ACHE: variants seen among roughly 807,000 people sequenced by gnomAD.
ACHE encodes the protein acetylcholinesterase (Yt blood group), also known as acetylcholinesterase.
Under a neutral mutation model 53.9 loss-of-function variants are expected in ACHE, and 19 were observed. The ratio of observed to expected loss-of-function variants is 0.35; its 90% CI spans 0.25 to 0.52. The LOEUF (loss-of-function observed/expected upper bound fraction) is 0.52. Among genes scored for constraint, ACHE ranks in the 20% least tolerant of loss-of-function variants. ACHE has a pLI of 0.95. For synonymous variants in ACHE, 392 were observed against 378.1 expected, an observed-to-expected ratio of 1.04 and a Z score of -0.43; for missense variants, 605 against 849.4, an observed-to-expected ratio of 0.71 and a Z score of 3.58.
Position 100,892,348 on chromosome 7 carries a change from G to A in ACHE, c.1539C>T (p.Asn513=). ...GCACTGCTGACCCTGTGCGGGCAAA[G>A]TTGGCCCAGTATCGCATCAGTCGCT... ...FAQRLMRYWA[N]FARTGDPNEP... is the part of the protein sequence containing the mutation. The change falls in exon 3 of 5, where the codon AAC becomes AAT. Residue 513 remains asparagine (N), a synonymous_variant. Coordinates refer to ENST00000241069, the MANE Select transcript of ACHE (RefSeq NM_000665.5). The surrounding 1 kb of genome is among the most constrained non-coding windows in gnomAD (Gnocchi z 5.2). 1 of 1,514,262 alleles carries A rather than the reference G, an allele frequency of 6.6e-7. No homozygotes were observed. The highest frequency in any genetic ancestry group is 8.9e-7 in the Non-Finnish European group (1 of 1,129,036). The allele number at this position is 1,514,262 out of a possible 1,614,324, so 93.8% of individuals were successfully genotyped here.
chr7:100,896,640 C>T, upstream of ACHE: 1 of 286,146 alleles, frequency 3.5e-6, no homozygotes, highest in South Asian at 2.4e-5. Context: ...CTGGAACCCC[C>T]GCGGGTGGGT....
In ACHE at chr7:100,893,360, G is replaced by A. The variant is rs17881163; in HGVS notation, c.873C>T (p.Gly291=). ...GCTCTGTGTCATTCCCACCAGTGCCGCCTGGAGGACAGCCCACAAGGTGGG... is the reference window on the plus strand; with the variant it reads ...GCTCTGTGTCATTCCCACCAGTGCCACCTGGAGGACAGCCCACAAGGTGGG... The part of the protein sequence containing the change: ...QLAHLVGCPP[G]GTGGNDTELV... Residue 291 remains glycine (G), a synonymous_variant, in exon 2 of 5, where the codon GGC becomes GGT. Transcript: ENST00000241069. 119 of 1,613,590 alleles carry A rather than the reference G, an allele frequency of 7.4e-5. No homozygotes were observed. In the African/African-American group the frequency reaches 1.3e-3, roughly 17 times the overall value.
Position 100,890,207 on chromosome 7 carries a change from G to C in ACHE, c.*7C>G. 6.2e-7 allele frequency: 1 copy of C among 1,613,432 alleles called. No individual in the cohort carries two copies. The highest frequency in any genetic ancestry group is 2.2e-5 in the East Asian group (1 of 44,844). On this transcript the variant is annotated 3_prime_UTR_variant, in exon 5 of 5. Transcript: ENST00000241069. ...GCGGAGCGGAGGACATGGGGGTCCCGCCGGGGTCACAGGTCTGAGCAGCGA... is the reference window on the plus strand; with the variant it reads ...GCGGAGCGGAGGACATGGGGGTCCCCCCGGGGTCACAGGTCTGAGCAGCGA...
Position 100,893,457 on chromosome 7 carries a change from T to G in ACHE, c.776A>C (p.Gln259Pro). 6.2e-7 allele frequency: 1 copy of G among 1,607,926 alleles called. No homozygotes were observed. The highest frequency in any genetic ancestry group is 8.5e-7 in the Non-Finnish European group (1 of 1,179,506). Residue 259 changes from glutamine (Q) to proline (P), a missense_variant, in exon 2 of 5, where the codon CAG (glutamine) becomes CCG (proline). By Grantham distance (76) the Gln-to-Pro change is moderately conservative. This residue lies in a region of ACHE where 397 missense variants were observed against 632.5 expected (regional missense o/e 0.63). Transcript: ENST00000241069. ...SRGLFHRAVL[Q>P]SGAPNGPWAT... ...CCAGGGTCCATTGGGGGCACCGCTC[T>G]GCAGCACGGCCCTGTGGAACAGGCC... is the stretch of plus-strand genomic sequence containing the variant.
chr7:100,894,552 G>A (rs1248466141), intron 1 of ACHE, among the ~76,000 whole-genome samples: 3 of 152,118 alleles, frequency 2.0e-5, no homozygotes, highest in Admixed American at 1.3e-4. Flanking sequence ...CCGGAACTGG[G>A]CCGGGCCCAG....
rs751072333 is a variant in ACHE, at chr7:100,891,349, A to C, written c.1554-11T>G. The C allele has an allele frequency of 8.5e-6, 13 of 1,533,926 alleles. No individual in the cohort carries two copies. The Admixed American group carries it at 2.2e-4, about 26-fold the overall frequency. On this transcript the variant is annotated splice_polypyrimidine_tract_variant and intron_variant, in intron 3 of 4. Coordinates refer to ENST00000241069, the MANE Select transcript of ACHE (RefSeq NM_000665.5). ...GGCTCATTGGGATCCCTGCGGAAGG[A>C]AGGGAAGGCTCAGTCCAGACGGGCA... is the stretch of plus-strand genomic sequence containing the variant.
At position 100,890,068 on chromosome 7, in the gene ACHE, G is replaced by C; in HGVS notation, c.*146C>G. 1.0e-6 allele frequency: 1 copy of C among 986,516 alleles called. No homozygotes were observed. The highest frequency in any genetic ancestry group is 1.7e-5 in the South Asian group (1 of 59,208). The allele number at this position is 986,516 out of a possible 1,614,324, so 61.1% of individuals were successfully genotyped here. A position where few individuals can be genotyped will look rare whatever the true frequency, so the allele number is the denominator to read the frequency against. On this transcript the variant is annotated 3_prime_UTR_variant, in exon 5 of 5. Transcript: ENST00000241069. ...GAGGGAGCTCAGCCTGAGACATGCAGAGGACCGGGAGCCCCGGGGGACGTC... is the reference window on the plus strand; with the variant it reads ...GAGGGAGCTCAGCCTGAGACATGCACAGGACCGGGAGCCCCGGGGGACGTC...
At chr7:100,894,701 C>T (rs3808356) in intron 1 of ACHE, among the ~76,000 whole-genome samples, 37,930 of 152,002 alleles carry the variant, frequency 0.25, 5,652 homozygotes, top group East Asian at 0.45. Flanking sequence ...CGGCCAGACC[C>T]GGGGCCCTGG....
In ACHE at chr7:100,892,887, GGACA is replaced by G. The variant is rs1262962402; in HGVS notation, c.1069-73_1069-70del. 1.9e-5 allele frequency: 28 copies of G among 1,471,720 alleles called. No homozygotes were observed. Among genetic ancestry groups the G allele is most frequent in the South Asian group, 9.4e-5 (7 of 74,476 alleles). 91.2% of individuals were successfully genotyped at this position (1,471,720 alleles called of 1,614,324 possible). ...GACAGACAAGTAGACAGAAACAGAT[GGACA>G]GACAAAGAGCCAGAGAGATGAACAG... is the stretch of plus-strand genomic sequence containing the variant. On this transcript the variant is annotated intron_variant, in intron 2 of 4. Coordinates refer to ENST00000241069, the MANE Select transcript of ACHE (RefSeq NM_000665.5). The surrounding 1 kb of genome is among the most constrained non-coding windows in gnomAD (Gnocchi z 5.2).
intron 4 of ACHE, 83 bp from the exon 5 acceptor site, chr7:100,890,418 G>C (rs949702421): frequency 7.8e-6 from 12 of 1,534,960 alleles, no homozygotes; most frequent in South Asian, 3.6e-5. Context: ...GGGTTGAAGG[G>C]GGGGTATGAG....
At chr7:100,893,021 C>T (rs1338001285) in intron 2 of ACHE, 144 bp downstream of exon 2, 1 of 1,193,778 alleles carries the variant, frequency 8.4e-7, no homozygotes, top group Admixed American at 2.4e-5. Context: ...CTGCTGACCA[C>T]CCTGGGATCT....
At chr7:100,894,355 G>T in intron 1 of ACHE, 103 bp from the exon 2 acceptor site, 2 of 799,358 alleles carry the variant, frequency 2.5e-6, no homozygotes, top group South Asian at 5.9e-5. Context: ...AGCTGCAGAG[G>T]AGGTGGGGCA....
intron 4 of ACHE, chr7:100,890,826 T>G (rs1790633587): frequency 7.1e-7 from 1 of 1,404,312 alleles, no homozygotes; most frequent in African/African-American, 1.4e-5. Flanking sequence ...CCTCCTGCCC[T>G]GTCCAGTGTG....
At position 100,894,304 on chromosome 7, in the gene ACHE, GGGA is replaced by G. The variant is rs1365201300; in HGVS notation, c.-20-55_-20-53del. ...TGAAGGGTCGGTCGAGAAGCCAGGA[GGGA>G]GGAGATTAGGGCACTGTCGGCCCAA... On this transcript the variant is annotated intron_variant, in intron 1 of 4. Coordinates refer to ENST00000241069, the MANE Select transcript of ACHE (RefSeq NM_000665.5). 6 of 1,314,982 alleles carry G rather than the reference GGGA, an allele frequency of 4.6e-6. No individual in the cohort carries two copies. In the East Asian group the frequency reaches 8.1e-5, roughly 18 times the overall value. The allele number at this position is 1,314,982 out of a possible 1,614,324, so 81.5% of individuals were successfully genotyped here.
Position 100,891,188 on chromosome 7 carries a change from G to T in ACHE, c.1704C>A (p.Pro568=). Residue 568 remains proline, a synonymous_variant, in exon 4 of 5, where the codon CCC becomes CCA. Coordinates refer to ENST00000241069, the MANE Select transcript of ACHE (RefSeq NM_000665.5). ...GCATACCGGTGGCGCTGAGCAATTT[G>T]GGGAGGAAGCGGTTCCAGAAGGCGC... ...QACAFWNRFL[P]KLLSATDTLD... 6.2e-7 allele frequency: 1 copy of T among 1,608,720 alleles called. No homozygotes were observed. The highest frequency in any genetic ancestry group is 8.5e-7 in the Non-Finnish European group (1 of 1,178,300).
chr7:100,894,487 G>C (rs1790920256), intron 1 of ACHE: 5 of 384,268 alleles, frequency 1.3e-5, no homozygotes, highest in East Asian at 7.8e-5. Flanking sequence ...CAAATGCAGG[G>C]AACAGAGAGG....
In ACHE at chr7:100,892,189, T is replaced by TG. The variant is rs1790739934; in HGVS notation, c.1553+144_1553+145insC. The TG allele has an allele frequency of 1.9e-6, 2 of 1,048,650 alleles. No individual in the cohort carries two copies. The highest frequency in any genetic ancestry group is 2.5e-6 in the Non-Finnish European group (2 of 800,508). The allele number at this position is 1,048,650 out of a possible 1,614,324, so 65.0% of individuals were successfully genotyped here. On this transcript the variant is annotated intron_variant, in intron 3 of 4. Coordinates refer to ENST00000241069, the MANE Select transcript of ACHE (RefSeq NM_000665.5). This position sits in a 1 kb window ranked among gnomAD's most constrained non-coding sequence, Gnocchi z 5.2. ...TCCTTTCTTTTTCTCTCCCCTTTTATCTACTTTGTGAGCATATCCCTCTCT... is the reference window on the plus strand; with the variant it reads ...TCCTTTCTTTTTCTCTCCCCTTTTATGCTACTTTGTGAGCATATCCCTCTCT...
chr7:100,893,725 C>T lies in ACHE; in HGVS notation c.508G>A (p.Val170Ile). 1 of 1,613,588 alleles carries T rather than the reference C, an allele frequency of 6.2e-7. No individual in the cohort carries two copies. The highest frequency in any genetic ancestry group is 8.5e-7 in the Non-Finnish European group (1 of 1,180,030). The change falls in exon 2 of 5, where the codon GTA (valine) becomes ATA (isoleucine). Residue 170 changes from valine to isoleucine, a missense_variant. Val to Ile is a conservative substitution (Grantham distance 29). This residue lies in a region of ACHE where 397 missense variants were observed against 632.5 expected (regional missense o/e 0.63). Coordinates refer to ENST00000241069, the MANE Select transcript of ACHE (RefSeq NM_000665.5). ...SLDVYDGRFL[V>I]QAERTVLVSM... ...ACCAGCACAGTCCTCTCGGCCTGTA[C>T]CAAGAAGCGGCCATCGTACACGTCC... is the stretch of plus-strand genomic sequence containing the variant.
At position 100,894,399 on chromosome 7, in the gene ACHE, G is replaced by A. The variant is rs1247665775; in HGVS notation, c.-20-147C>T. The A allele has an allele frequency of 1.0e-5, 5 of 490,918 alleles. 1 individual carries two copies. The South Asian group carries it at 2.2e-4, about 21-fold the overall frequency. 30.4% of individuals were successfully genotyped at this position (490,918 alleles called of 1,614,324 possible). On this transcript the variant is annotated intron_variant, in intron 1 of 4. Transcript: ENST00000241069. ...AAGATGAGGGGAGAGAGGGAGGGAG[G>A]GAAGGAGACAGGCAGAGACAAGGAC...
Sources: gnomAD v4.1 joint callset for allele counts (sites outside exome capture counted in the v4.1 genomes callset) on GRCh38, gnomAD v4.1.1 for gene constraint, gnomAD v4.1.1 regional missense constraint, Gnocchi (gnomAD v3.1) non-coding constraint, MANE v1.5 for transcripts, NCBI Gene and HGNC (gene_info 2026-07-23, HGNC 2026-07-21) for gene names.